Variants in KRTAP10-3 observed in about 807,000 individuals in gnomAD.
KRTAP10-3 encodes keratin associated protein 10-3, also known as keratin-associated protein 10-3.
For missense variants in KRTAP10-3, 341 were observed against 293.4 expected (o/e 1.16, Z -1.19); for synonymous variants, 151 against 126.2 (o/e 1.20, Z -1.32).
chr21:44,558,766 GGAGT>G lies in KRTAP10-3; in HGVS notation c.-55_-52del, dbSNP rs782208042. 3 of 1,559,690 alleles carry G rather than the reference GGAGT, an allele frequency of 1.9e-6. No homozygotes were observed. The highest frequency in any genetic ancestry group is 2.5e-5 in the South Asian group (2 of 81,250). On this transcript the variant is annotated 5_prime_UTR_variant, in exon 1 of 1. Transcript: ENST00000391620. ...GGGGAGACGTGAGTGAGTGAGTGTGGGAGTGAGTGAGGGAGTGAGTGAGTGATCG... is the reference window on the plus strand; with the variant it reads ...GGGGAGACGTGAGTGAGTGAGTGTGGGAGTGAGGGAGTGAGTGAGTGATCG...
chr21:44,558,423 G>A lies in KRTAP10-3; in HGVS notation c.293C>T (p.Ala98Val), dbSNP rs371662744. 5.6e-5 allele frequency: 91 copies of A among 1,613,902 alleles called. No homozygotes were observed. The highest frequency in any genetic ancestry group is 7.4e-5 in the Non-Finnish European group (87 of 1,179,928). The change falls in exon 1 of 1, where the codon GCC becomes GTC. Residue 98 changes from alanine (A) to valine (V), a missense_variant. By Grantham distance (64) the Ala-to-Val change is moderately conservative (BLOSUM62 0). Transcript: ENST00000391620. ...ACCTSSPCQQ[A>V]CCVPVCCKPV... ...CTTGCAGCAGACAGGCACGCAGCAG[G>A]CCTGCTGGCAGGGGGAGGATGTGCA... is the stretch of plus-strand genomic sequence containing the variant.
chr21:44,558,621 C>A lies in KRTAP10-3; in HGVS notation c.95G>T (p.Cys32Phe), dbSNP rs2053585021. The A allele has an allele frequency of 6.2e-7, 1 of 1,606,972 alleles. No homozygotes were observed. Among genetic ancestry groups the A allele is most frequent in the African/African-American group, 1.3e-5 (1 of 74,928 alleles). ...CPESCCEPPC[C>F]ATSCCAPAPC... ...GGCCGGGGCGCAGCAGCTGGTGGCG[C>A]AGCAGGGGGGCTCACAGCAGCTCTC... is the stretch of plus-strand genomic sequence containing the variant. Residue 32 changes from cysteine to phenylalanine, a missense_variant, in exon 1 of 1, where the codon TGC becomes TTC. By Grantham distance (205) the Cys-to-Phe change is radical. Coordinates refer to ENST00000391620, the MANE Select transcript of KRTAP10-3 (RefSeq NM_198696.3).
In KRTAP10-3 at chr21:44,558,196, T is replaced by C. The variant is rs200455309; in HGVS notation, c.520A>G (p.Ile174Val). The C allele has an allele frequency of 1.9e-3, 2,959 of 1,548,690 alleles. 7 individuals carry two copies. The highest frequency in any genetic ancestry group is 3.8e-3 in the South Asian group (325 of 85,066). The change falls in exon 1 of 1, where the codon ATC (isoleucine) becomes GTC (valine). Residue 174 changes from isoleucine (I) to valine (V), a missense_variant. Ile to Val is a conservative substitution (Grantham distance 29). Transcript: ENST00000391620. ...GAGGCAGGGGCACAGCAGGAGGGGA[T>C]GGGCACACAGCAGGTGGACCTGCAC... Reference protein sequence around the residue: ...PVCRSTCCVPIPSCCAPASTC... With the variant: ...PVCRSTCCVPVPSCCAPASTC...
At position 44,558,521 on chromosome 21, in the gene KRTAP10-3, G is replaced by T; in HGVS notation, c.195C>A (p.Ser65Arg). 6.2e-7 allele frequency: 1 copy of T among 1,613,640 alleles called. No homozygotes were observed. The highest frequency in any genetic ancestry group is 8.5e-7 in the Non-Finnish European group (1 of 1,179,838). Residue 65 changes from serine to arginine, a missense_variant, in exon 1 of 1, where the codon AGC (serine) becomes AGA (arginine). Ser to Arg is a moderately radical substitution (Grantham distance 110). Coordinates refer to ENST00000391620, the MANE Select transcript of KRTAP10-3 (RefSeq NM_198696.3). ...SPCCQAACEP[S>R]PCQSGCTSSC... is the part of the protein sequence containing the mutation. ...AGCTGGTGCAGCCTGACTGGCAGGGGCTGGGCTCACAGGCCGCCTGGCAGC... is the reference window on the plus strand; with the variant it reads ...AGCTGGTGCAGCCTGACTGGCAGGGTCTGGGCTCACAGGCCGCCTGGCAGC...
chr21:44,558,191 G>A lies in KRTAP10-3; in HGVS notation c.525C>T (p.Pro175=), dbSNP rs898136657. The A allele has an allele frequency of 1.9e-6, 3 of 1,552,174 alleles. No homozygotes were observed. Among genetic ancestry groups the A allele is most frequent in the Admixed American group, 1.8e-5 (1 of 55,684 alleles). The change falls in exon 1 of 1, where the codon CCC becomes CCT. Residue 175 remains proline, a synonymous_variant. Transcript: ENST00000391620. ...VCRSTCCVPI[P]SCCAPASTCQ... ...AGGTGGAGGCAGGGGCACAGCAGGA[G>A]GGGATGGGCACACAGCAGGTGGACC...
At position 44,558,650 on chromosome 21, in the gene KRTAP10-3, G is replaced by T. The variant is rs782713383; in HGVS notation, c.66C>A (p.Cys22Ter). ...AGGGGGGCTCACAGCAGCTCTCTGG[G>T]CAGGCGTCCACCTGCCAGGAGTCAG... The part of the protein sequence containing the change: ...AYSDSWQVDA[C>*]PESCCEPPCC... Residue 22 changes from cysteine to a stop codon, truncating the protein, a stop_gained, in exon 1 of 1, where the codon TGC (cysteine) becomes TGA (stop). Coordinates refer to ENST00000391620, the MANE Select transcript of KRTAP10-3 (RefSeq NM_198696.3). LOFTEE classifies it low-confidence loss of function (END_TRUNC). The T allele has an allele frequency of 1.2e-6, 2 of 1,613,170 alleles. No individual in the cohort carries two copies. Among genetic ancestry groups the T allele is most frequent in the Admixed American group, 1.7e-5 (1 of 59,992 alleles).
rs782322797 is a variant in KRTAP10-3 at position 44,558,206 on chromosome 21, G to A, written c.510C>T (p.Cys170=). 3 of 1,562,072 alleles carry A rather than the reference G, an allele frequency of 1.9e-6. No homozygotes were observed. Among genetic ancestry groups the A allele is most frequent in the Non-Finnish European group, 2.6e-6 (3 of 1,142,480 alleles). ...LLCRPVCRST[C]CVPIPSCCAP... The stretch of plus-strand genomic sequence containing the variant: ...CACAGCAGGAGGGGATGGGCACACA[G>A]CAGGTGGACCTGCACACGGGGCGGC... Residue 170 remains cysteine, a synonymous_variant, in exon 1 of 1, where the codon TGC becomes TGT. Coordinates refer to ENST00000391620, the MANE Select transcript of KRTAP10-3 (RefSeq NM_198696.3).
Position 44,557,808 on chromosome 21 carries a change from T to G in KRTAP10-3, c.*242A>C, listed in dbSNP as rs2053558320. ...CCTCTGAGAGGGCACATTGGTGACTTTATTTGTTGACAGACTGATCACTCA... is the reference window on the plus strand; with the variant it reads ...CCTCTGAGAGGGCACATTGGTGACTGTATTTGTTGACAGACTGATCACTCA... On this transcript the variant is annotated 3_prime_UTR_variant, in exon 1 of 1. Coordinates refer to ENST00000391620, the MANE Select transcript of KRTAP10-3 (RefSeq NM_198696.3). The G allele has an allele frequency of 1.8e-6, 1 of 559,428 alleles. No individual in the cohort carries two copies. The highest frequency in any genetic ancestry group is 3.1e-6 in the Non-Finnish European group (1 of 318,266). The allele number at this position is 559,428 out of a possible 1,614,324, so 34.7% of individuals were successfully genotyped here. A position where few individuals can be genotyped will look rare whatever the true frequency, so the allele number is the denominator to read the frequency against.
chr21:44,557,899 G>T lies in KRTAP10-3; in HGVS notation c.*151C>A. 1 of 921,220 alleles carries T rather than the reference G, an allele frequency of 1.1e-6. No homozygotes were observed. 57.1% of individuals were successfully genotyped at this position (921,220 alleles called of 1,614,324 possible). On this transcript the variant is annotated 3_prime_UTR_variant, in exon 1 of 1. Transcript: ENST00000391620. Reference sequence around the variant, plus strand: ...AGATGAGGGTGTGGGAGAGATGCATGCCTGGAGGGAATCGGCATGAAAGCT... The same window carrying T: ...AGATGAGGGTGTGGGAGAGATGCATTCCTGGAGGGAATCGGCATGAAAGCT...
chr21:44,558,410 A>AGTCTTGCAGCAGACG lies in KRTAP10-3; in HGVS notation c.305_306insCGTCTGCTGCAAGAC (p.Lys106_Pro107insThrValCysCysLys). On this transcript the variant is annotated inframe_insertion, in exon 1 of 1. Transcript: ENST00000391620. ...CACAGCAGACTGGCTTGCAGCAGACAGGCACGCAGCAGGCCTGCTGGCAGG... is the reference window on the plus strand; with the variant it reads ...CACAGCAGACTGGCTTGCAGCAGACAGTCTTGCAGCAGACGGGCACGCAGCAGGCCTGCTGGCAGG... The AGTCTTGCAGCAGACG allele has an allele frequency of 6.2e-7, 1 of 1,613,358 alleles. No individual in the cohort carries two copies. The highest frequency in any genetic ancestry group is 8.5e-7 in the Non-Finnish European group (1 of 1,179,750).
rs1260144616 is a variant in KRTAP10-3 at position 44,558,424 on chromosome 21, C to A, written c.292G>T (p.Ala98Ser). The A allele has an allele frequency of 1.9e-6, 3 of 1,613,760 alleles. No homozygotes were observed. The African/African-American group carries it at 4.0e-5, about 22-fold the overall frequency. Reference sequence around the variant, plus strand: ...TTGCAGCAGACAGGCACGCAGCAGGCCTGCTGGCAGGGGGAGGATGTGCAG... The same window carrying A: ...TTGCAGCAGACAGGCACGCAGCAGGACTGCTGGCAGGGGGAGGATGTGCAG... ...ACCTSSPCQQ[A>S]CCVPVCCKPV... is the part of the protein sequence containing the mutation. The change falls in exon 1 of 1, where the codon GCC becomes TCC. Residue 98 changes from alanine to serine, a missense_variant. By Grantham distance (99) the Ala-to-Ser change is moderately conservative. Coordinates refer to ENST00000391620, the MANE Select transcript of KRTAP10-3 (RefSeq NM_198696.3).
At position 44,558,392 on chromosome 21, in the gene KRTAP10-3, G is replaced by T. The variant is rs587773916; in HGVS notation, c.324C>A (p.Val108=). 6.2e-7 allele frequency: 1 copy of T among 1,613,096 alleles called. No homozygotes were observed. Among genetic ancestry groups the T allele is most frequent in the Non-Finnish European group, 8.5e-7 (1 of 1,179,618 alleles). The part of the protein sequence containing the change: ...ACCVPVCCKP[V]CCVPVCCKPV... ...GCTTGCAGCAGACGGGCACACAGCA[G>T]ACTGGCTTGCAGCAGACAGGCACGC... Residue 108 remains valine (V), a synonymous_variant, in exon 1 of 1, where the codon GTC becomes GTA. Transcript: ENST00000391620.
rs2146050327 is a variant in KRTAP10-3 at position 44,558,586 on chromosome 21, T to G, written c.130A>C (p.Thr44Pro). 1 of 1,611,012 alleles carries G rather than the reference T, an allele frequency of 6.2e-7. No homozygotes were observed. Among genetic ancestry groups the G allele is most frequent in the Non-Finnish European group, 8.5e-7 (1 of 1,178,738 alleles). The change falls in exon 1 of 1, where the codon ACC (threonine) becomes CCC (proline). Residue 44 changes from threonine to proline, a missense_variant. Physicochemically the swap from Thr to Pro is conservative, Grantham distance 38. Coordinates refer to ENST00000391620, the MANE Select transcript of KRTAP10-3 (RefSeq NM_198696.3). The part of the protein sequence containing the change: ...TSCCAPAPCL[T>P]LVCTPVSCVS... ...CAGCTCACTGGGGTGCAGACCAGGGTCAGGCAGGGGGCCGGGGCGCAGCAG... is the reference window on the plus strand; with the variant it reads ...CAGCTCACTGGGGTGCAGACCAGGGGCAGGCAGGGGGCCGGGGCGCAGCAG...
rs781876299 is a variant in KRTAP10-3, at chr21:44,558,387, C to A, written c.329G>T (p.Cys110Phe). Residue 110 changes from cysteine (C) to phenylalanine (F), a missense_variant, in exon 1 of 1, where the codon TGT becomes TTT. Physicochemically the swap from Cys to Phe is radical, Grantham distance 205 (BLOSUM62 -2). Transcript: ENST00000391620. ...CVPVCCKPVC[C>F]VPVCCKPVCC... Reference sequence around the variant, plus strand: ...GACAGGCTTGCAGCAGACGGGCACACAGCAGACTGGCTTGCAGCAGACAGG... The same window carrying A: ...GACAGGCTTGCAGCAGACGGGCACAAAGCAGACTGGCTTGCAGCAGACAGG... The A allele has an allele frequency of 6.2e-7, 1 of 1,613,082 alleles. No individual in the cohort carries two copies. Among genetic ancestry groups the A allele is most frequent in the African/African-American group, 1.3e-5 (1 of 74,580 alleles).
chr21:44,557,967 A>G lies in KRTAP10-3; in HGVS notation c.*83T>C. The G allele has an allele frequency of 1.3e-6, 2 of 1,486,506 alleles. No homozygotes were observed. The highest frequency in any genetic ancestry group is 1.8e-6 in the Non-Finnish European group (2 of 1,098,716). 92.1% of individuals were successfully genotyped at this position (1,486,506 alleles called of 1,614,324 possible). A position where few individuals can be genotyped will look rare whatever the true frequency, so the allele number is the denominator to read the frequency against. ...GGTGCAGTGGCTATGGGCAGAGGAGACTCAGACAGGGCTCAGGGCTGCAAG... is the reference window on the plus strand; with the variant it reads ...GGTGCAGTGGCTATGGGCAGAGGAGGCTCAGACAGGGCTCAGGGCTGCAAG... On this transcript the variant is annotated 3_prime_UTR_variant, in exon 1 of 1. Transcript: ENST00000391620.
Position 44,558,171 on chromosome 21 carries a change from G to A in KRTAP10-3, c.545C>T (p.Ser182Phe), listed in dbSNP as rs376857760. The change falls in exon 1 of 1, where the codon TCC (serine) becomes TTC (phenylalanine). Residue 182 changes from serine to phenylalanine, a missense_variant. Ser to Phe is a radical substitution (Grantham distance 155). Transcript: ENST00000391620. Reference protein sequence around the residue: ...VPIPSCCAPASTCQPSCCRPA... With the variant: ...VPIPSCCAPAFTCQPSCCRPA... ...GCGGCAGCAGCTGGGCTGGCAGGTGGAGGCAGGGGCACAGCAGGAGGGGAT... is the reference window on the plus strand; with the variant it reads ...GCGGCAGCAGCTGGGCTGGCAGGTGAAGGCAGGGGCACAGCAGGAGGGGAT... 8.4e-6 allele frequency: 13 copies of A among 1,546,702 alleles called. No individual in the cohort carries two copies. The African/African-American group carries it at 1.6e-4, about 20-fold the overall frequency.
chr21:44,558,380 G>T lies in KRTAP10-3; in HGVS notation c.336C>A (p.Pro112=). 2 of 1,612,978 alleles carry T rather than the reference G, an allele frequency of 1.2e-6. No individual in the cohort carries two copies. The highest frequency in any genetic ancestry group is 1.7e-6 in the Non-Finnish European group (2 of 1,179,198). ...PVCCKPVCCV[P]VCCKPVCCKP... is the part of the protein sequence containing the mutation. ...TGCAGCAGACAGGCTTGCAGCAGACGGGCACACAGCAGACTGGCTTGCAGC... is the reference window on the plus strand; with the variant it reads ...TGCAGCAGACAGGCTTGCAGCAGACTGGCACACAGCAGACTGGCTTGCAGC... Residue 112 remains proline, a synonymous_variant, in exon 1 of 1, where the codon CCC becomes CCA. Coordinates refer to ENST00000391620, the MANE Select transcript of KRTAP10-3 (RefSeq NM_198696.3).
At position 44,558,286 on chromosome 21, in the gene KRTAP10-3, G is replaced by T; in HGVS notation, c.430C>A (p.Pro144Thr). Residue 144 changes from proline to threonine, a missense_variant, in exon 1 of 1, where the codon CCG (proline) becomes ACG (threonine). By Grantham distance (38) the Pro-to-Thr change is conservative. Transcript: ENST00000391620. Reference protein sequence around the residue: ...SSCCQQSSRQPACCTTSCCRP... With the variant: ...SSCCQQSSRQTACCTTSCCRP... ...CAGCAGGAGGTGGTGCAGCAAGCCG[G>T]CTGGCGGCTAGACTGCTGGCAGCAT... 1 of 1,614,142 alleles carries T rather than the reference G, an allele frequency of 6.2e-7. No individual in the cohort carries two copies. Among genetic ancestry groups the T allele is most frequent in the Non-Finnish European group, 8.5e-7 (1 of 1,180,006 alleles).
In KRTAP10-3 at chr21:44,558,201, A is replaced by G. The variant is rs1555920239; in HGVS notation, c.515T>C (p.Val172Ala). Residue 172 changes from valine to alanine, a missense_variant, in exon 1 of 1, where the codon GTG becomes GCG. Val to Ala is a moderately conservative substitution (Grantham distance 64). Coordinates refer to ENST00000391620, the MANE Select transcript of KRTAP10-3 (RefSeq NM_198696.3). ...CRPVCRSTCC[V>A]PIPSCCAPAS... ...AGGGGCACAGCAGGAGGGGATGGGCACACAGCAGGTGGACCTGCACACGGG... is the reference window on the plus strand; with the variant it reads ...AGGGGCACAGCAGGAGGGGATGGGCGCACAGCAGGTGGACCTGCACACGGG... 1.9e-6 allele frequency: 3 copies of G among 1,555,610 alleles called. No homozygotes were observed.
Sources: gnomAD v4.1 joint callset for allele counts on GRCh38, gnomAD v4.1.1 for gene constraint, MANE v1.5 for transcripts, NCBI Gene and HGNC (gene_info 2026-07-23, HGNC 2026-07-21) for gene names.